RYR3: variants seen among roughly 807,000 people sequenced by gnomAD.
RYR3 encodes brain ryanodine receptor-calcium release channel.
RYR3 carries 207 observed loss-of-function variants against 584.3 expected under a neutral mutation model. The ratio of observed to expected loss-of-function variants is 0.35; its 90% CI spans 0.32 to 0.40. The LOEUF is 0.40. RYR3 is among the 10% of genes least tolerant of loss of function. The pLI, the probability that RYR3 is intolerant of heterozygous loss-of-function variation, is 1.00. For missense variants in RYR3, 5,616 were observed against 6,089.2 expected, an observed-to-expected ratio of 0.92 and a Z score of 2.59; for synonymous variants, 2,416 against 2,248.5, an observed-to-expected ratio of 1.07 and a Z score of -2.11.
chr15:33,759,604 G>A (rs966783629), intron 60 of RYR3, among the ~76,000 whole-genome samples: 5 of 152,060 alleles, frequency 3.3e-5, no homozygotes, highest in Admixed American at 6.6e-5. Context: ...AGAAAAAAAT[G>A]AAAAAGAACA....
chr15:33,409,020 C>T (rs1344386940), intron 1 of RYR3, among the ~76,000 whole-genome samples: 1 of 152,170 alleles, frequency 6.6e-6, no homozygotes, highest in Non-Finnish European at 1.5e-5. Flanking sequence ...AAAAACCCTC[C>T]AAATCCTAAA....
At chr15:33,670,202 T>C (rs1410306124) in intron 37 of RYR3, among the ~76,000 whole-genome samples, 1 of 151,058 alleles carries the variant, frequency 6.6e-6, no homozygotes, top group African/African-American at 2.4e-5. Flanking sequence ...GTTTTAGGAT[T>C]AAACTTACTT....
chr15:33,443,223 C>T (rs573304559), intron 1 of RYR3, among the ~76,000 whole-genome samples: 32 of 150,842 alleles, frequency 2.1e-4, no homozygotes, highest in African/African-American at 7.1e-4. Flanking sequence ...TGCACCACTG[C>T]ACTCCAGCCT....
chr15:33,760,190 A>T (rs1230033108), intron 60 of RYR3, among the ~76,000 whole-genome samples: 1 of 152,190 alleles, frequency 6.6e-6, no homozygotes, highest in Non-Finnish European at 1.5e-5. Context: ...ACATACCAAA[A>T]TGTAAAGACA....
At chr15:33,447,844 T>C (rs766674691) in intron 1 of RYR3, among the ~76,000 whole-genome samples, 3 of 152,136 alleles carry the variant, frequency 2.0e-5, no homozygotes, top group Non-Finnish European at 4.4e-5. Context: ...CTTCAATAGA[T>C]GATAATAGTA....
chr15:33,751,075 T>C (rs1488362524), intron 57 of RYR3, among the ~76,000 whole-genome samples: 2 of 152,246 alleles, frequency 1.3e-5, no homozygotes, highest in Non-Finnish European at 2.9e-5. Context: ...CATCCTTTTT[T>C]ATGGCTGCAT....
Position 33,811,042 on chromosome 15 carries a change from T to TG in RYR3, c.10257+6dup, listed in dbSNP as rs2152945282. On this transcript the variant is annotated splice_donor_region_variant and intron_variant, in intron 72 of 103. Transcript: ENST00000634891. ...AACTTGCACTTGCAGGAAAAGGTGA[T>TG]GACTCAGGACAGCAGTGAGAACTCA... 9 of 1,605,768 alleles carry TG rather than the reference T, an allele frequency of 5.6e-6. No individual in the cohort carries two copies. The highest frequency in any genetic ancestry group is 7.7e-6 in the Non-Finnish European group (9 of 1,176,210).
At position 33,726,305 on chromosome 15, in the gene RYR3, A is replaced by G. The variant is rs34699048; in HGVS notation, c.6913-81A>G. ...TGGACCCCTGCCCTTAAGCCGTTTT[A>G]CTGCCAGAGGTTTGGAGGTGGGGTG... On this transcript the variant is annotated intron_variant, in intron 45 of 103. Transcript: ENST00000634891. 3.9e-6 allele frequency: 6 copies of G among 1,537,010 alleles called. No individual in the cohort carries two copies. The Admixed American group carries it at 9.7e-5, about 25-fold the overall frequency.
rs1384042294 is a variant in RYR3 at position 33,853,099 on chromosome 15, T to C, written c.13671+12T>C. Reference sequence around the variant, plus strand: ...TTGTAAAGAGAAAGGTATGCCTTGTTAGTGGGGGTGAGTTCCGTGATCACC... The same window carrying C: ...TTGTAAAGAGAAAGGTATGCCTTGTCAGTGGGGGTGAGTTCCGTGATCACC... On this transcript the variant is annotated intron_variant, in intron 95 of 103. Transcript: ENST00000634891. 1.9e-6 allele frequency: 3 copies of C among 1,584,874 alleles called. No individual in the cohort carries two copies. The highest frequency in any genetic ancestry group is 1.4e-5 in the African/African-American group (1 of 73,500).
chr15:33,670,056 C>G (rs185845508), intron 37 of RYR3, among the ~76,000 whole-genome samples: 1 of 152,182 alleles, frequency 6.6e-6, no homozygotes, highest in African/African-American at 2.4e-5. Context: ...TTTGAAATAA[C>G]TCATTGTTAA....
At chr15:33,551,579 C>G (rs2056676554) in intron 10 of RYR3, among the ~76,000 whole-genome samples, 1 of 152,118 alleles carries the variant, frequency 6.6e-6, no homozygotes, top group African/African-American at 2.4e-5. Context: ...TGCCCTATAT[C>G]AGAATTGGGC....
At chr15:33,745,687 C>T (rs1013460000) in intron 52 of RYR3, among the ~76,000 whole-genome samples, 6 of 152,176 alleles carry the variant, frequency 3.9e-5, no homozygotes, top group Non-Finnish European at 5.9e-5. Context: ...AATGGCCCCT[C>T]TAGGCAGTGG....
intron 58 of RYR3, among the ~76,000 whole-genome samples, chr15:33,755,832 C>T (rs2152858646): frequency 6.6e-6 from 1 of 152,178 alleles, no homozygotes; most frequent in South Asian, 2.1e-4. Flanking sequence ...TGCAGTGGCA[C>T]AGTCTTGGCT....
intron 1 of RYR3, among the ~76,000 whole-genome samples, chr15:33,469,498 T>G (rs2048753599): frequency 6.6e-6 from 1 of 151,938 alleles, no homozygotes; most frequent in Non-Finnish European, 1.5e-5. Flanking sequence ...TCTCTCCTTC[T>G]GCTGGCCCAT....
chr15:33,434,984 A>AT lies in RYR3; in HGVS notation c.52-38426dup, dbSNP rs543412140. Among the ~76,000 whole-genome samples, 259 of 150,908 alleles carry AT rather than the reference A, an allele frequency of 1.7e-3. 1 individual carries two copies. The highest frequency in any genetic ancestry group is 2.1e-3 in the Non-Finnish European group (142 of 67,604). ...AGGTGCCCACCACCATGCCTGGCTA[A>AT]TTTTTTTTTGTATTTTTAGTAGAGA... On this transcript the variant is annotated intron_variant, in intron 1 of 103. Coordinates refer to ENST00000634891, the MANE Select transcript of RYR3 (RefSeq NM_001036.6).
chr15:33,609,300 A>C (rs2060054695), intron 18 of RYR3, among the ~76,000 whole-genome samples: 1 of 152,218 alleles, frequency 6.6e-6, no homozygotes, highest in African/African-American at 2.4e-5. Context: ...TGGGTGTGGT[A>C]GCTCAAACCT....
At chr15:33,526,228 G>A (rs1177962969) in intron 3 of RYR3, among the ~76,000 whole-genome samples, 3 of 152,200 alleles carry the variant, frequency 2.0e-5, no homozygotes, top group Non-Finnish European at 2.9e-5. Context: ...TAGAAGAAAC[G>A]TCAGTAATGG....
chr15:33,710,872 A>C (rs1389642832), intron 43 of RYR3, among the ~76,000 whole-genome samples: 1 of 152,236 alleles, frequency 6.6e-6, no homozygotes, highest in Non-Finnish European at 1.5e-5. Flanking sequence ...GAGCAATATC[A>C]TGAGGCTGCC....
intron 27 of RYR3, 30 bp downstream of exon 27, chr15:33,636,580 C>G (rs766304241): frequency 1.9e-6 from 3 of 1,540,766 alleles, no homozygotes; most frequent in Admixed American, 4.1e-5. Flanking sequence ...CCAACCCCAG[C>G]TCCATGAGGC....
Sources: gnomAD v4.1 joint callset for allele counts (sites outside exome capture counted in the v4.1 genomes callset) on GRCh38, gnomAD v4.1.1 for gene constraint, MANE v1.5 for transcripts, NCBI Gene and HGNC (gene_info 2026-07-23, HGNC 2026-07-21) for gene names.